The following NBN variants were observed in gnomAD, a reference collection of about 807,000 sequenced individuals.
The protein encoded by NBN is nibrin.
A neutral mutation model predicts 90.8 loss-of-function variants in NBN; 88 were observed. That is an observed-to-expected ratio of 0.97 (90% CI 0.82 to 1.16). The LOEUF is 1.16. Ranked by LOEUF, NBN falls within the 50% of genes most tolerant of loss-of-function variation. The pLI is 0.00. For synonymous variants in NBN, 328 were observed against 295.1 expected, an observed-to-expected ratio of 1.11 and a Z score of -1.14; for missense variants, 894 against 869.6, an observed-to-expected ratio of 1.03 and a Z score of -0.35.
intron 12 of NBN, among the ~76,000 whole-genome samples, chr8:89,947,521 C>T (rs1443297982): frequency 1.3e-5 from 2 of 151,768 alleles, no homozygotes; most frequent in African/African-American, 2.4e-5. Context: ...CCTAGCTACT[C>T]GGGAGGCTGA....
intron 14 of NBN, among the ~76,000 whole-genome samples, chr8:89,942,499 C>T (rs969029987): frequency 3.3e-5 from 5 of 151,992 alleles, no homozygotes; most frequent in African/African-American, 1.2e-4. Flanking sequence ...AACTTGAAAA[C>T]AAGGTACATA....
intron 5 of NBN, among the ~76,000 whole-genome samples, chr8:89,972,708 A>G (rs1197825899): frequency 2.0e-5 from 3 of 152,216 alleles, no homozygotes; most frequent in Non-Finnish European, 4.4e-5. Context: ...CACTTTACTT[A>G]TATACAAATA....
rs139907691 is a variant in NBN, at chr8:89,981,886, T to C, written c.172-363A>G. The C allele has an allele frequency of 6.1e-4, 469 of 769,906 alleles. 3 individuals are homozygous for C. The African/African-American group carries it at 7.6e-3, about 13-fold the overall frequency. 47.7% of individuals were successfully genotyped at this position (769,906 alleles called of 1,614,324 possible). ...ATCTTTTTTTGTTTGTTTTACAGTA[T>C]CAAAACCACATTGTAAAAATTAGTC... On this transcript the variant is annotated intron_variant, in intron 2 of 15. Coordinates refer to ENST00000265433, the MANE Select transcript of NBN (RefSeq NM_002485.5).
At chr8:89,949,596 C>T (rs1810348538) in intron 11 of NBN, among the ~76,000 whole-genome samples, 1 of 152,102 alleles carries the variant, frequency 6.6e-6, no homozygotes, top group East Asian at 1.9e-4. Context: ...GGATAAAGTC[C>T]TAGGAGGAAT....
At chr8:89,960,321 G>A (rs1810931002) in intron 8 of NBN, among the ~76,000 whole-genome samples, 1 of 152,056 alleles carries the variant, frequency 6.6e-6, no homozygotes, top group African/African-American at 2.4e-5. Context: ...CATAAGTTTG[G>A]AAAGAGTAAA....
chr8:89,977,814 G>T (rs1811836738), intron 5 of NBN, among the ~76,000 whole-genome samples: 1 of 152,148 alleles, frequency 6.6e-6, no homozygotes, highest in Admixed American at 6.5e-5. Context: ...GAAAAACTAA[G>T]CTCCATTCCC....
chr8:89,961,529 C>T (rs563904386), intron 8 of NBN, among the ~76,000 whole-genome samples: 13 of 151,996 alleles, frequency 8.6e-5, no homozygotes, highest in African/African-American at 2.7e-4. Context: ...AAGAGCCTTA[C>T]GAAGGAGGTA....
chr8:89,956,931 T>C (rs1810741097), intron 9 of NBN, among the ~76,000 whole-genome samples: 1 of 152,224 alleles, frequency 6.6e-6, no homozygotes, highest in South Asian at 2.1e-4. Flanking sequence ...TAAGTGTCTA[T>C]GGTGATGTTG....
intron 7 of NBN, among the ~76,000 whole-genome samples, chr8:89,965,682 G>A (rs1441017046): frequency 1.3e-5 from 2 of 152,002 alleles, no homozygotes; most frequent in Non-Finnish European, 2.9e-5. Context: ...TAGAGATGGG[G>A]TTTCACTACG....
chr8:89,964,536 T>A, intron 7 of NBN, 29 bp from the exon 8 acceptor site: 2 of 1,558,538 alleles, frequency 1.3e-6, no homozygotes, highest in Non-Finnish European at 1.8e-6. Context: ...TTAAGTATGA[T>A]AATATATTAA....
intron 11 of NBN, among the ~76,000 whole-genome samples, chr8:89,948,570 A>AGT (rs199887317): frequency 0.043 from 6,472 of 152,270 alleles, 268 homozygotes; most frequent in East Asian, 0.19. Flanking sequence ...TTTCAGTAAA[A>AGT]ACTACAATTC....
intron 13 of NBN, 101 bp from the exon 14 acceptor site, chr8:89,943,467 T>G (rs895159669): frequency 4.2e-6 from 5 of 1,179,786 alleles, no homozygotes; most frequent in Non-Finnish European, 6.2e-6. Flanking sequence ...CATGCATAAG[T>G]GCCAAAGATG....
chr8:89,956,832 A>G (rs754990968), intron 9 of NBN, among the ~76,000 whole-genome samples: 2 of 152,206 alleles, frequency 1.3e-5, no homozygotes, highest in Non-Finnish European at 2.9e-5. Context: ...TTCTGTCAAC[A>G]ATGGACTGCA....
At chr8:89,981,797 C>T (rs1253184702) in intron 2 of NBN, 2 of 500,282 alleles carry the variant, frequency 4.0e-6, no homozygotes, top group African/African-American at 2.0e-5. Context: ...CCCTCACACA[C>T]ATTTGAGAAT....
At chr8:89,942,911 G>A (rs1453361598) in intron 14 of NBN, among the ~76,000 whole-genome samples, 1 of 152,092 alleles carries the variant, frequency 6.6e-6, no homozygotes, top group East Asian at 1.9e-4. Context: ...AAAAAGGCCA[G>A]TCCCTTGACA....
At chr8:89,983,959 A>G (rs1177459048) in intron 1 of NBN, among the ~76,000 whole-genome samples, 1 of 152,182 alleles carries the variant, frequency 6.6e-6, no homozygotes, top group African/African-American at 2.4e-5. Context: ...CACACCCACC[A>G]CGGGCAACCA....
chr8:89,955,024 A>G (rs897685032), intron 10 of NBN, among the ~76,000 whole-genome samples: 1 of 152,096 alleles, frequency 6.6e-6, no homozygotes, highest in Admixed American at 6.6e-5. Context: ...GAGCTGAGAC[A>G]GGGGGTTAGT....
intron 5 of NBN, among the ~76,000 whole-genome samples, chr8:89,973,869 T>C (rs1373915585): frequency 6.6e-6 from 1 of 150,440 alleles, no homozygotes. Context: ...CATTAAAAAA[T>C]TAAAATGTTT....
rs2129717822 is a variant in NBN at position 89,955,336 on chromosome 8, C to T, written c.1344G>A (p.Gln448=). 1 of 1,613,664 alleles carries T rather than the reference C, an allele frequency of 6.2e-7. No individual in the cohort carries two copies. The highest frequency in any genetic ancestry group is 8.5e-7 in the Non-Finnish European group (1 of 1,179,794). The change falls in exon 10 of 16, where the codon CAG becomes CAA. Residue 448 remains glutamine (Q), a synonymous_variant. Transcript: ENST00000265433. ...SINKSKDRAS[Q]QQQTNSIRNY... ...TTCTGATGGAGTTGGTCTGCTGCTG[C>T]TGAGAAGCCCTATCTTTACTTTTAT...
Sources: allele counts gnomAD v4.1 joint callset (sites outside exome capture counted in the v4.1 genomes callset), GRCh38; gene constraint gnomAD v4.1.1; transcripts MANE v1.5; gene names NCBI Gene and HGNC (gene_info 2026-07-23, HGNC 2026-07-21).